NDUFA10: variants seen among roughly 807,000 people sequenced by gnomAD.
NDUFA10 encodes NADH dehydrogenase [ubiquinone] 1 alpha subcomplex subunit 10, mitochondrial.
NDUFA10 carries 40 observed loss-of-function variants against 47.8 expected under a neutral mutation model. The ratio of observed to expected loss-of-function variants is 0.84; its 90% CI spans 0.65 to 1.09. The LOEUF (loss-of-function observed/expected upper bound fraction) is 1.09. Ranked by LOEUF, NDUFA10 falls within the 50% of genes least tolerant of loss-of-function variation. The pLI is 0.00. For synonymous variants in NDUFA10, 183 were observed against 172.2 expected (o/e 1.06, Z -0.49); for missense variants, 413 against 451.1 (o/e 0.92, Z 0.76).
chr2:239,929,640 C>CCTCCACCGCCCCTGCTT, intron 4 of NDUFA10, among the ~76,000 whole-genome samples: 1 of 150,954 alleles, frequency 6.6e-6, no homozygotes, highest in African/African-American at 2.4e-5. Context: ...TGCTCTTGCT[C>CCTCCACCGCCCCTGCTT]CTCCACCGCC....
chr2:239,995,809 C>T (rs985328329), intron 8 of NDUFA10, among the ~76,000 whole-genome samples: 4 of 152,192 alleles, frequency 2.6e-5, no homozygotes, highest in African/African-American at 9.7e-5. Flanking sequence ...ATAGAGCTGA[C>T]TTCAAACAAG....
intron 4 of NDUFA10, among the ~76,000 whole-genome samples, chr2:239,901,469 A>C (rs1005309704): frequency 2.0e-5 from 3 of 152,094 alleles, no homozygotes; most frequent in African/African-American, 7.2e-5. Flanking sequence ...ACTGCTCAGA[A>C]AAAAAAGATT....
chr2:239,909,813 G>C (rs1228119534), intron 4 of NDUFA10, among the ~76,000 whole-genome samples: 1 of 152,102 alleles, frequency 6.6e-6, no homozygotes, highest in Non-Finnish European at 1.5e-5. Context: ...AGAGTGAACA[G>C]GCAACCTACA....
intron 4 of NDUFA10, among the ~76,000 whole-genome samples, chr2:239,903,350 T>C (rs115121810): frequency 1.9e-3 from 287 of 152,286 alleles, no homozygotes; most frequent in African/African-American, 6.5e-3. Flanking sequence ...TCCTTCTGCA[T>C]TTTACCTGGA....
intron 4 of NDUFA10, among the ~76,000 whole-genome samples, chr2:239,900,093 CT>C: frequency 6.6e-6 from 1 of 152,188 alleles, no homozygotes; most frequent in Non-Finnish European, 1.5e-5. Flanking sequence ...CTTCCTGCCC[CT>C]GAACATCAGA....
rs568932147 is a variant in NDUFA10 at position 239,988,921 on chromosome 2, G to A, written c.999+1153C>T. ...AGACACAGCACACACACTCACACAC[G>A]TGTACAAGGACAGAAAGGGAGAAAC... On this transcript the variant is annotated intron_variant, in intron 9 of 9. Transcript: ENST00000252711. Among the ~76,000 whole-genome samples the A allele has an allele frequency of 1.3e-4, 19 of 148,264 alleles. No homozygotes were observed. The East Asian group carries it at 1.4e-3, about 11-fold the overall frequency.
chr2:239,911,129 G>C (rs2106471487), intron 4 of NDUFA10, among the ~76,000 whole-genome samples: 1 of 151,838 alleles, frequency 6.6e-6, no homozygotes, highest in East Asian at 1.9e-4. Flanking sequence ...AGAAACTCAA[G>C]TCCCCTTGGA....
chr2:239,969,507 G>A (rs1006847392), intron 9 of NDUFA10: 12 of 371,404 alleles, frequency 3.2e-5, no homozygotes, highest in African/African-American at 2.3e-4. Context: ...GTCAGTGATG[G>A]AGCACAGAAG....
Position 239,990,243 on chromosome 2 carries a change from T to C in NDUFA10, c.891-61A>G, listed in dbSNP as rs992771043. The C allele has an allele frequency of 3.7e-6, 5 of 1,365,024 alleles. No individual in the cohort carries two copies. The Admixed American group carries it at 5.1e-5, about 14-fold the overall frequency. The allele number at this position is 1,365,024 out of a possible 1,614,324, so 84.6% of individuals were successfully genotyped here. On this transcript the variant is annotated intron_variant, in intron 8 of 9. Transcript: ENST00000252711. ...ATCAAAATAAATACAATAAAAGAAG[T>C]GTAAGTCCGATTTTTTTTAAACATC...
intron 4 of NDUFA10, among the ~76,000 whole-genome samples, chr2:239,940,331 G>A (rs1252991543): frequency 1.3e-5 from 2 of 152,254 alleles, no homozygotes; most frequent in Non-Finnish European, 2.9e-5. Context: ...GGAAGAGAGT[G>A]TGTGGCATAA....
At chr2:239,941,564 A>C (rs1208036331) in intron 4 of NDUFA10, among the ~76,000 whole-genome samples, 2 of 152,114 alleles carry the variant, frequency 1.3e-5, no homozygotes, top group Admixed American at 1.3e-4. Flanking sequence ...CATCTCTACT[A>C]AAAATACAAA....
chr2:239,939,548 G>T (rs910229479), intron 4 of NDUFA10, among the ~76,000 whole-genome samples: 3 of 152,208 alleles, frequency 2.0e-5, no homozygotes, highest in Non-Finnish European at 2.9e-5. Flanking sequence ...ATCATTTTGG[G>T]GGGATAAAGA....
chr2:239,964,456 G>T (rs1338599782), intron 9 of NDUFA10, among the ~76,000 whole-genome samples: 1 of 152,196 alleles, frequency 6.6e-6, no homozygotes, highest in African/African-American at 2.4e-5. Context: ...TTAGGAGGAT[G>T]CATGTGTATT....
At chr2:239,998,052 T>C (rs1458936773) in intron 8 of NDUFA10, among the ~76,000 whole-genome samples, 3 of 152,234 alleles carry the variant, frequency 2.0e-5, no homozygotes, top group African/African-American at 2.4e-5. Context: ...TTTAGAAATA[T>C]ATGCACACAC....
intron 4 of NDUFA10, among the ~76,000 whole-genome samples, chr2:239,903,639 A>C (rs1401935147): frequency 6.6e-6 from 1 of 152,274 alleles, no homozygotes; most frequent in Non-Finnish European, 1.5e-5. Context: ...AATGTCAATT[A>C]TACCTATTAT....
intron 8 of NDUFA10, among the ~76,000 whole-genome samples, chr2:239,995,025 A>C (rs1322783665): frequency 1.3e-5 from 2 of 152,226 alleles, no homozygotes; most frequent in East Asian, 1.9e-4. Flanking sequence ...CTGTAATCTC[A>C]GCACTTTGGG....
intron 9 of NDUFA10, among the ~76,000 whole-genome samples, chr2:239,979,673 G>T (rs756340514): frequency 6.6e-6 from 1 of 152,026 alleles, no homozygotes; most frequent in Admixed American, 6.6e-5. Context: ...CTCCCTGACC[G>T]CCTTGGCCCT....
chr2:239,989,914 C>T (rs1006139776), intron 9 of NDUFA10, among the ~76,000 whole-genome samples, 160 bp downstream of exon 9: 2 of 152,232 alleles, frequency 1.3e-5, no homozygotes, highest in African/African-American at 2.4e-5. Flanking sequence ...CACAGAAATA[C>T]GGGGAAAAGG....
At chr2:239,918,836 G>T (rs1036672772) in intron 4 of NDUFA10, among the ~76,000 whole-genome samples, 2 of 152,216 alleles carry the variant, frequency 1.3e-5, no homozygotes, top group African/African-American at 4.8e-5. Flanking sequence ...GACACAGCCA[G>T]TTCAGGAAGG....
Sources: gnomAD v4.1 joint callset for allele counts (sites outside exome capture counted in the v4.1 genomes callset) on GRCh38, gnomAD v4.1.1 for gene constraint, MANE v1.5 for transcripts, NCBI Gene and HGNC (gene_info 2026-07-23, HGNC 2026-07-21) for gene names.